IPCEF1: variants seen among roughly 807,000 people sequenced by gnomAD.
IPCEF1 encodes interaction protein for cytohesin exchange factors 1.
Under a neutral mutation model 50.9 loss-of-function variants are expected in IPCEF1, and 31 were observed. That is an observed-to-expected ratio of 0.61 (90% CI 0.46 to 0.82). The LOEUF (loss-of-function observed/expected upper bound fraction) is 0.82, where lower values mean the gene tolerates loss of function less well. Ranked by LOEUF, IPCEF1 falls within the 40% of genes least tolerant of loss-of-function variation. The pLI is 0.00. For missense variants in IPCEF1, 458 were observed against 514.0 expected, an observed-to-expected ratio of 0.89 and a Z score of 1.05; for synonymous variants, 181 against 192.0, an observed-to-expected ratio of 0.94 and a Z score of 0.47.
chr6:154,203,972 C>A (rs1286319112), intron 9 of IPCEF1, among the ~76,000 whole-genome samples: 2 of 152,146 alleles, frequency 1.3e-5, no homozygotes, highest in East Asian at 3.8e-4. Flanking sequence ...ACAAAATGTT[C>A]TCATAACCTC....
chr6:154,235,855 C>T (rs989082371), intron 5 of IPCEF1, among the ~76,000 whole-genome samples: 1 of 152,174 alleles, frequency 6.6e-6, no homozygotes, highest in Non-Finnish European at 1.5e-5. Flanking sequence ...TGGTACCTCA[C>T]AGCCATTAGG....
intron 1 of IPCEF1, among the ~76,000 whole-genome samples, chr6:154,346,916 A>G (rs1584012900): frequency 1.3e-5 from 2 of 152,174 alleles, no homozygotes; most frequent in Non-Finnish European, 2.9e-5. Context: ...TATCCTCTCA[A>G]AACTCTGCCT....
chr6:154,339,898 A>G (rs968779942), intron 1 of IPCEF1, among the ~76,000 whole-genome samples: 2 of 151,824 alleles, frequency 1.3e-5, no homozygotes, highest in Admixed American at 6.6e-5. Flanking sequence ...CTCCTGGCCA[A>G]GTGATAATTT....
chr6:154,350,362 C>G (rs1025848521), intron 1 of IPCEF1, among the ~76,000 whole-genome samples: 17 of 152,206 alleles, frequency 1.1e-4, no homozygotes, highest in African/African-American at 4.1e-4. Context: ...GGATCACTAT[C>G]TAGACTCCAT....
chr6:154,202,819 C>A (rs1777177717), intron 9 of IPCEF1, among the ~76,000 whole-genome samples: 1 of 151,596 alleles, frequency 6.6e-6, no homozygotes, highest in African/African-American at 2.4e-5. Flanking sequence ...CCAGGCACCA[C>A]TTATAAATTT....
rs75500632 is a variant in IPCEF1 at position 154,250,252 on chromosome 6, T to TA, written c.37-2765dup. ...TGCATGTGGTTTTTCGCTAGGTAAGTAAAAAAAAAAAAAAAGCAAGCAACC... is the reference window on the plus strand; with the variant it reads ...TGCATGTGGTTTTTCGCTAGGTAAGTAAAAAAAAAAAAAAAAGCAAGCAACC... On this transcript the variant is annotated intron_variant, in intron 3 of 11. Coordinates refer to ENST00000367220, the MANE Select transcript of IPCEF1 (RefSeq NM_001130700.2). Among the ~76,000 whole-genome samples, 455 of 125,304 alleles carry TA rather than the reference T, an allele frequency of 3.6e-3. 5 individuals are homozygous for TA. The highest frequency in any genetic ancestry group is 8.3e-3 in the African/African-American group (281 of 33,872). The allele number at this position is 125,304 out of a possible 152,430, so 82.2% of individuals were successfully genotyped here. A position where few individuals can be genotyped will look rare whatever the true frequency, so the allele number is the denominator to read the frequency against.
chr6:154,294,309 T>C (rs1404422423), intron 1 of IPCEF1, among the ~76,000 whole-genome samples: 1 of 152,248 alleles, frequency 6.6e-6, no homozygotes, highest in East Asian at 1.9e-4. Flanking sequence ...GAATCCTTTT[T>C]ATTATATCAT....
chr6:154,353,714 A>G (rs1184168240), intron 1 of IPCEF1, among the ~76,000 whole-genome samples: 4 of 152,272 alleles, frequency 2.6e-5, no homozygotes, highest in Non-Finnish European at 4.4e-5. Context: ...ACCACGAGCT[A>G]TAAGCCCACT....
In IPCEF1 at chr6:154,299,788, T is replaced by C. The variant is rs1490686058; in HGVS notation, c.-61-10032A>G. ...AAATAAAAAATTAAAGATGGGTTGA[T>C]GGATGGATAGAGGGATGGATAAAAG... On this transcript the variant is annotated intron_variant, in intron 1 of 11. Transcript: ENST00000367220. 1.4e-5 allele frequency among the ~76,000 whole-genome samples: 2 copies of C among 138,638 alleles called. 1 individual carries two copies. Among genetic ancestry groups the C allele is most frequent in the Admixed American group, 1.5e-4 (2 of 13,186 alleles). The allele number at this position is 138,638 out of a possible 152,430, so 91.0% of individuals were successfully genotyped here. A position where few individuals can be genotyped will look rare whatever the true frequency, so the allele number is the denominator to read the frequency against.
chr6:154,293,444 A>G (rs140854779), intron 1 of IPCEF1, among the ~76,000 whole-genome samples: 1 of 152,358 alleles, frequency 6.6e-6, no homozygotes, highest in East Asian at 1.9e-4. Context: ...GCCTCAAGCT[A>G]AGATAACAGA....
At chr6:154,237,375 C>T (rs952828178) in intron 5 of IPCEF1, among the ~76,000 whole-genome samples, 2 of 152,140 alleles carry the variant, frequency 1.3e-5, no homozygotes, top group Non-Finnish European at 2.9e-5. Flanking sequence ...ATCCTTTACA[C>T]GGGGTCGGTA....
At chr6:154,288,830 G>A (rs1411580459) in intron 2 of IPCEF1, among the ~76,000 whole-genome samples, 3 of 152,068 alleles carry the variant, frequency 2.0e-5, no homozygotes, top group East Asian at 1.9e-4. Flanking sequence ...TTGGGAGGCC[G>A]AGGCAAGAAG....
In IPCEF1 at chr6:154,214,269, T is replaced by C. The variant is rs761949705; in HGVS notation, c.400A>G (p.Asn134Asp). 1.2e-6 allele frequency: 2 copies of C among 1,608,232 alleles called. No individual in the cohort carries two copies. The highest frequency in any genetic ancestry group is 1.1e-5 in the South Asian group (1 of 90,962). ...ENVQEMNVWL[N>D]KLGSAVIHQE... The stretch of plus-strand genomic sequence containing the variant: ...TGGATTACAGCCGATCCAAGTTTAT[T>C]TAACCACCTAAAATTCAAATAGAAA... Residue 134 changes from asparagine (N) to aspartate (D), a missense_variant, in exon 8 of 12, where the codon AAT (asparagine) becomes GAT (aspartate). Physicochemically the swap from Asn to Asp is conservative, Grantham distance 23 (BLOSUM62 1). Coordinates refer to ENST00000367220, the MANE Select transcript of IPCEF1 (RefSeq NM_001130700.2).
At chr6:154,249,478 G>T (rs1301073599) in intron 3 of IPCEF1, among the ~76,000 whole-genome samples, 1 of 152,180 alleles carries the variant, frequency 6.6e-6, no homozygotes, top group Non-Finnish European at 1.5e-5. Flanking sequence ...GCAAGCACTT[G>T]AGACAAACCA....
chr6:154,271,298 G>T (rs998949786), intron 2 of IPCEF1, among the ~76,000 whole-genome samples: 1 of 151,616 alleles, frequency 6.6e-6, no homozygotes, highest in Non-Finnish European at 1.5e-5. Context: ...GGAGGTCAAG[G>T]TTGGTATGAT....
At chr6:154,219,256 G>A (rs1361680317) in intron 7 of IPCEF1, 1 of 152,134 alleles carries the variant, frequency 6.6e-6, no homozygotes, top group African/African-American at 2.4e-5. Context: ...AATTCACTAG[G>A]TAACAAACAA....
intron 1 of IPCEF1, among the ~76,000 whole-genome samples, chr6:154,350,117 G>A (rs1247349079): frequency 1.3e-5 from 2 of 152,122 alleles, no homozygotes; most frequent in African/African-American, 2.4e-5. Context: ...AGTGATCAAC[G>A]ATTACAGATG....
intron 9 of IPCEF1, among the ~76,000 whole-genome samples, chr6:154,204,021 T>C (rs1370140261): frequency 1.3e-5 from 2 of 152,220 alleles, no homozygotes; most frequent in Non-Finnish European, 2.9e-5. Flanking sequence ...TGATTAATAA[T>C]TGTATGTGGT....
At chr6:154,269,240 A>G (rs1362154118) in intron 2 of IPCEF1, among the ~76,000 whole-genome samples, 1 of 152,258 alleles carries the variant, frequency 6.6e-6, no homozygotes, top group Non-Finnish European at 1.5e-5. Flanking sequence ...AAATATTGGC[A>G]TCATGAATAT....
Sources: gnomAD v4.1 joint callset for allele counts (sites outside exome capture counted in the v4.1 genomes callset) on GRCh38, gnomAD v4.1.1 for gene constraint, MANE v1.5 for transcripts, NCBI Gene and HGNC (gene_info 2026-07-23, HGNC 2026-07-21) for gene names.